The following VSIG1 variants were observed in gnomAD, a reference collection of about 807,000 sequenced individuals.
VSIG1 encodes V-set and immunoglobulin domain containing 1.
A neutral mutation model predicts 20.1 loss-of-function variants in VSIG1; 11 were observed. That is an observed-to-expected ratio of 0.55 (90% confidence interval 0.34 to 0.91). VSIG1 has a LOEUF of 0.91. Ranked by LOEUF, VSIG1 falls within the 40% of genes least tolerant of loss-of-function variation. The probability of loss-of-function intolerance (pLI) is 0.02; values close to 1 mark genes in which losing one functional copy is unlikely to be tolerated. For synonymous variants in VSIG1, 126 were observed against 116.7 expected (o/e 1.08, Z -0.52); for missense variants, 283 against 298.8 (o/e 0.95, Z 0.39).
chrX:108,074,231 T>C (rs1290873904), intron 5 of VSIG1, among the ~76,000 whole-genome samples: 1 of 112,332 alleles, frequency 8.9e-6, no homozygotes, highest in Non-Finnish European at 1.9e-5. Context: ...GCACCTGAAC[T>C]TTCTTCCTTT....
At position 108,077,285 on chromosome X, in the gene VSIG1, G is replaced by A. The variant is rs745893510; in HGVS notation, c.1068G>A (p.Ser356=). 14 of 1,210,375 alleles carry A rather than the reference G, an allele frequency of 1.2e-5. No homozygotes were observed. Among genetic ancestry groups the A allele is most frequent in the African/African-American group, 7.0e-5 (4 of 57,220 alleles). The part of the protein sequence containing the change: ...IELELEPETQ[S]ELEPEPEPEP... ...TGGAGCTGGAGCCAGAAACGCAGTC[G>A]GAATTGGAGCCAGAGCCAGAGCCAG... Residue 356 remains serine (S), a synonymous_variant, in exon 7 of 7, where the codon TCG becomes TCA. Transcript: ENST00000217957.
chrX:108,075,091 T>C (rs762861255), intron 5 of VSIG1, among the ~76,000 whole-genome samples: 1 of 112,117 alleles, frequency 8.9e-6, no homozygotes, highest in East Asian at 2.8e-4. Flanking sequence ...GCCATACTAC[T>C]GCAAACTTGG....
Position 108,047,951 on chromosome X carries a change from T to TAC in VSIG1, c.49+2773_49+2774insCA, listed in dbSNP as rs1569287375. ...ATATATATACACATATATATATATA[T>TAC]ATACACACACATATATATATATATA... On this transcript the variant is annotated intron_variant, in intron 1 of 6. Coordinates refer to ENST00000217957, the MANE Select transcript of VSIG1 (RefSeq NM_182607.5). Among the ~76,000 whole-genome samples the TAC allele has an allele frequency of 1.1e-3, 20 of 18,762 alleles. 3 individuals carry two copies. The highest frequency in any genetic ancestry group is 6.4e-3 in the African/African-American group (20 of 3,132). 16.3% of individuals were successfully genotyped at this position (18,762 alleles called of 115,157 possible).
intron 1 of VSIG1, 40 bp from the exon 2 acceptor site, chrX:108,057,998 T>C (rs368772515): frequency 1.7e-4 from 198 of 1,151,950 alleles, no homozygotes; most frequent in Non-Finnish European, 2.2e-4. Flanking sequence ...TATCAGAATT[T>C]GAGTATGTAC....
the VSIG1 span, among the ~76,000 whole-genome samples, chrX:108,022,750 A>G: frequency 0.052 from 5,835 of 111,802 alleles, 134 homozygotes; most frequent in East Asian, 0.095. Flanking sequence ...TGATTTCCAA[A>G]TTGGAGATGG....
chrX:108,047,833 C>G (rs756572448), intron 1 of VSIG1, among the ~76,000 whole-genome samples: 1 of 45,311 alleles, frequency 2.2e-5, no homozygotes, highest in African/African-American at 1.2e-4. Context: ...TATATATACA[C>G]ATATATATAT....
chrX:108,056,466 G>A (rs943368469), intron 1 of VSIG1, among the ~76,000 whole-genome samples: 14 of 111,662 alleles, frequency 1.3e-4, no homozygotes, highest in African/African-American at 4.6e-4. Flanking sequence ...AATTGGAAAT[G>A]AAGAAATAAA....
At chrX:108,031,172 T>C in the VSIG1 span, among the ~76,000 whole-genome samples, 1 of 111,321 alleles carries the variant, frequency 9.0e-6, no homozygotes, top group Non-Finnish European at 1.9e-5. Flanking sequence ...TCTGTTGGGG[T>C]GGGGAGCATG....
At chrX:108,054,423 A>G (rs1246637030) in intron 1 of VSIG1, among the ~76,000 whole-genome samples, 1 of 111,741 alleles carries the variant, frequency 8.9e-6, no homozygotes, top group Non-Finnish European at 1.9e-5. Context: ...AACAGGATCC[A>G]GTTGAATATT....
intron 2 of VSIG1, among the ~76,000 whole-genome samples, chrX:108,061,748 T>C (rs1187068099): frequency 2.7e-5 from 3 of 110,057 alleles, no homozygotes; most frequent in Non-Finnish European, 5.7e-5. Flanking sequence ...CAGGACCCTA[T>C]TGCTGCCCTG....
the VSIG1 span, among the ~76,000 whole-genome samples, chrX:108,028,187 C>G: frequency 1.8e-5 from 2 of 110,869 alleles, no homozygotes; most frequent in Admixed American, 9.6e-5. Context: ...TCTAAATTGT[C>G]TTTTGGTAGT....
chrX:108,072,664 C>T lies in VSIG1; in HGVS notation c.413-13C>T. 8.3e-7 allele frequency: 1 copy of T among 1,199,777 alleles called. No homozygotes were observed. The highest frequency in any genetic ancestry group is 1.1e-6 in the Non-Finnish European group (1 of 889,162). ...ATCCTAAAGAATTTTTATTCTTTGT[C>T]ATTGCCTTACAGTGAAACCTTCTAA... On this transcript the variant is annotated splice_polypyrimidine_tract_variant and intron_variant, in intron 3 of 6. Coordinates refer to ENST00000217957, the MANE Select transcript of VSIG1 (RefSeq NM_182607.5).
intron 1 of VSIG1, among the ~76,000 whole-genome samples, chrX:108,056,632 T>C (rs756475442): frequency 7.1e-4 from 80 of 112,748 alleles, no homozygotes; most frequent in Non-Finnish European, 1.3e-3. Flanking sequence ...CATTAAAAGA[T>C]ATTTAGCATC....
At chrX:108,042,746 C>T (rs746636513), upstream of VSIG1, among the ~76,000 whole-genome samples, 119 of 111,721 alleles carry the variant, frequency 1.1e-3, no homozygotes, top group African/African-American at 3.7e-3. Context: ...TGGTATGGAT[C>T]TCCAGAGACC....
At chrX:108,053,959 TG>T (rs1019131462) in intron 1 of VSIG1, among the ~76,000 whole-genome samples, 4 of 111,583 alleles carry the variant, frequency 3.6e-5, no homozygotes, top group African/African-American at 1.3e-4. Flanking sequence ...AGGCATCCAC[TG>T]GGGGTCTTGG....
rs775455889 is a variant in VSIG1 at position 108,073,244 on chromosome X, C to T, written c.569-6C>T. 9.9e-6 allele frequency: 12 copies of T among 1,208,663 alleles called. No individual in the cohort carries two copies. Among genetic ancestry groups the T allele is most frequent in the Non-Finnish European group, 1.3e-5 (12 of 894,491 alleles). On this transcript the variant is annotated splice_region_variant and splice_polypyrimidine_tract_variant and intron_variant, in intron 4 of 6. Transcript: ENST00000217957. ...ATCTCAAAAGTCTATTCCCTGGTTT[C>T]AACAGACCCAACCACCGGGATTTTG...
In VSIG1 at chrX:108,058,043, G is replaced by A. The variant is rs1228685903; in HGVS notation, c.55G>A (p.Val19Ile). The A allele has an allele frequency of 8.3e-7, 1 of 1,207,381 alleles. No homozygotes were observed. Among genetic ancestry groups the A allele is most frequent in the Admixed American group, 2.2e-5 (1 of 45,472 alleles). Residue 19 changes from valine to isoleucine, a missense_variant, in exon 2 of 7, where the codon GTT (valine) becomes ATT (isoleucine). Transcript: ENST00000217957. ...TTTTATGATTATCTTTTCAGGTCAG[G>A]TTAGTGTGGTGCAAGTGACCATCCC... ...FLILSCLAGQVSVVQVTIPDG... is the reference protein window; with the variant it reads ...FLILSCLAGQISVVQVTIPDG...
At chrX:108,058,356 G>A (rs2030953942) in intron 2 of VSIG1, among the ~76,000 whole-genome samples, 155 bp downstream of exon 2, 1 of 112,115 alleles carries the variant, frequency 8.9e-6, no homozygotes, top group African/African-American at 3.2e-5. Flanking sequence ...GTATAGAGAA[G>A]ATCATCATCT....
Position 108,060,968 on chromosome X carries a change from G to A in VSIG1, c.213+2767G>A, listed in dbSNP as rs2031007980. 2.7e-5 allele frequency among the ~76,000 whole-genome samples: 3 copies of A among 112,208 alleles called. No homozygotes were observed. The Admixed American group carries it at 2.8e-4, about 11-fold the overall frequency. On this transcript the variant is annotated intron_variant, in intron 2 of 6. Transcript: ENST00000217957. ...GAGCCTAGCTCAAGAAGATACACTT[G>A]AACAGGGACAGAGCTCTTCAGGGCC...
Sources: gnomAD v4.1 joint callset for allele counts (sites outside exome capture counted in the v4.1 genomes callset) on GRCh38, gnomAD v4.1.1 for gene constraint, MANE v1.5 for transcripts, NCBI Gene and HGNC (gene_info 2026-07-23, HGNC 2026-07-21) for gene names.